Variants in ABRAXAS2 observed in about 807,000 individuals in gnomAD.
ABRAXAS2 encodes BRISC complex subunit Abraxas 2.
A neutral mutation model predicts 49.0 loss-of-function variants in ABRAXAS2; 23 were observed. The ratio of observed to expected loss-of-function variants is 0.47; its 90% CI spans 0.34 to 0.66. The LOEUF (loss-of-function observed/expected upper bound fraction) is 0.66, where lower values mean the gene tolerates loss of function less well. Among genes scored for constraint, ABRAXAS2 ranks in the 30% least tolerant of loss-of-function variants. ABRAXAS2 has a pLI of 0.01. For missense variants in ABRAXAS2, 443 were observed against 511.9 expected (o/e 0.87, Z 1.30); for synonymous variants, 168 against 180.2 (o/e 0.93, Z 0.54).
intron 4 of ABRAXAS2, among the ~76,000 whole-genome samples, chr10:124,824,038 C>A (rs1188618205): frequency 2.0e-5 from 3 of 152,182 alleles, no homozygotes; most frequent in Non-Finnish European, 1.5e-5. Context: ...CTGCCTCAGC[C>A]TCCTGGGTAG....
chr10:124,806,289 G>A (rs1236527756), intron 1 of ABRAXAS2, among the ~76,000 whole-genome samples: 1 of 149,562 alleles, frequency 6.7e-6, no homozygotes, highest in African/African-American at 2.5e-5. Context: ...CTGGGTGACA[G>A]AGCAAGATTC....
chr10:124,801,929 G>T (rs1000872672), intron 1 of ABRAXAS2, 28 bp downstream of exon 1: 1 of 1,608,282 alleles, frequency 6.2e-7, no homozygotes, highest in Admixed American at 1.7e-5. Context: ...TGCCGCGCCC[G>T]CTGGGGGCTT....
chr10:124,826,936 A>AACCCCG, intron 5 of ABRAXAS2, 151 bp downstream of exon 5: 1 of 759,262 alleles, frequency 1.3e-6, no homozygotes. Context: ...ACATGGTGAA[A>AACCCCG]TTCAAAAATT....
rs1001149247 is a variant in ABRAXAS2, at chr10:124,807,953, C to T, written c.163+1032C>T. 4.6e-5 allele frequency among the ~76,000 whole-genome samples: 7 copies of T among 152,264 alleles called. No individual in the cohort carries two copies. The East Asian group carries it at 7.7e-4, about 17-fold the overall frequency. On this transcript the variant is annotated intron_variant, in intron 2 of 8. Coordinates refer to ENST00000298492, the MANE Select transcript of ABRAXAS2 (RefSeq NM_032182.4). ...TGTTTACATGGGATATTTACTAAAC[C>T]TATACAGCCTTCTGAGGGATAAGCC...
intron 2 of ABRAXAS2, among the ~76,000 whole-genome samples, chr10:124,812,197 G>A (rs571944034): frequency 2.0e-5 from 3 of 152,308 alleles, no homozygotes; most frequent in African/African-American, 7.2e-5. Flanking sequence ...CAATCAGTGG[G>A]GAGTCCCTGT....
intron 4 of ABRAXAS2, among the ~76,000 whole-genome samples, chr10:124,820,643 G>A (rs1359554865): frequency 6.6e-6 from 1 of 151,796 alleles, no homozygotes; most frequent in Non-Finnish European, 1.5e-5. Context: ...CACCACACCT[G>A]GCTAATTTTT....
At chr10:124,816,049 C>T (rs1950823058) in intron 2 of ABRAXAS2, among the ~76,000 whole-genome samples, 2 of 151,922 alleles carry the variant, frequency 1.3e-5, no homozygotes, top group African/African-American at 2.4e-5. Context: ...ATTACAGGCG[C>T]CCGCCACCAC....
intron 4 of ABRAXAS2, among the ~76,000 whole-genome samples, chr10:124,824,063 G>A (rs894573583): frequency 1.3e-5 from 2 of 152,116 alleles, no homozygotes; most frequent in African/African-American, 4.8e-5. Flanking sequence ...GACCACAGGC[G>A]TGTGCTTTTT....
At chr10:124,804,593 G>T (rs1027477950) in intron 1 of ABRAXAS2, among the ~76,000 whole-genome samples, 6 of 151,080 alleles carry the variant, frequency 4.0e-5, no homozygotes, top group Non-Finnish European at 7.4e-5. Flanking sequence ...ATAACTGAAA[G>T]ATTTTCTTAG....
At chr10:124,829,912 G>A (rs1950920021) in intron 7 of ABRAXAS2, among the ~76,000 whole-genome samples, 1 of 152,152 alleles carries the variant, frequency 6.6e-6, no homozygotes, top group South Asian at 2.1e-4. Flanking sequence ...GGCAGAGCCT[G>A]TTCACTCCTA....
At position 124,836,344 on chromosome 10, in the gene ABRAXAS2, C is replaced by T. The variant is rs1000669215; in HGVS notation, c.*1373C>T. 2 of 152,144 alleles carry T rather than the reference C, an allele frequency of 1.3e-5. No homozygotes were observed. Among genetic ancestry groups the T allele is most frequent in the Non-Finnish European group, 2.9e-5 (2 of 68,012 alleles). 9.4% of individuals were successfully genotyped at this position (152,144 alleles called of 1,614,324 possible). On this transcript the variant is annotated 3_prime_UTR_variant, in exon 9 of 9. Coordinates refer to ENST00000298492, the MANE Select transcript of ABRAXAS2 (RefSeq NM_032182.4). Reference sequence around the variant, plus strand: ...TATCATATAGACGGAAAATGAAATGCTAGAACTGCCGTTCTTTGGATCGCC... The same window carrying T: ...TATCATATAGACGGAAAATGAAATGTTAGAACTGCCGTTCTTTGGATCGCC...
At chr10:124,820,303 C>T (rs1343219296) in intron 4 of ABRAXAS2, among the ~76,000 whole-genome samples, 2 of 152,134 alleles carry the variant, frequency 1.3e-5, no homozygotes, top group African/African-American at 2.4e-5. Flanking sequence ...GCCTGCCCAA[C>T]CAGGAAGGGG....
intron 1 of ABRAXAS2, among the ~76,000 whole-genome samples, chr10:124,804,239 A>G (rs986139315): frequency 6.6e-6 from 1 of 152,192 alleles, no homozygotes; most frequent in Non-Finnish European, 1.5e-5. Flanking sequence ...TTATATCATT[A>G]TTCCACAAAT....
At chr10:124,833,814 A>G (rs952862395) in intron 8 of ABRAXAS2, among the ~76,000 whole-genome samples, 3 of 152,218 alleles carry the variant, frequency 2.0e-5, no homozygotes, top group Non-Finnish European at 4.4e-5. Context: ...TTTCAAGGCT[A>G]TATGGATTAT....
chr10:124,830,731 C>T (rs1950927759), intron 7 of ABRAXAS2, among the ~76,000 whole-genome samples: 1 of 152,306 alleles, frequency 6.6e-6, no homozygotes, highest in Admixed American at 6.5e-5. Context: ...AATTCATGAC[C>T]ATGCCCTTTT....
At chr10:124,818,771 T>C (rs981138425) in intron 3 of ABRAXAS2, among the ~76,000 whole-genome samples, 1 of 152,322 alleles carries the variant, frequency 6.6e-6, no homozygotes, top group Admixed American at 6.5e-5. Flanking sequence ...TGGTCTCTTT[T>C]GGAGGTGATT....
intron 4 of ABRAXAS2, among the ~76,000 whole-genome samples, chr10:124,825,317 C>CAAAAAA (rs34358193): frequency 1.9e-5 from 2 of 103,964 alleles, no homozygotes; most frequent in Non-Finnish European, 3.6e-5. Context: ...GACTCTGTCT[C>CAAAAAA]AAAAAAAAAA....
intron 4 of ABRAXAS2, among the ~76,000 whole-genome samples, chr10:124,825,497 T>C (rs1455824679): frequency 6.6e-6 from 1 of 152,144 alleles, no homozygotes; most frequent in Non-Finnish European, 1.5e-5. Context: ...TTGCATATGA[T>C]ATGAACTCAA....
chr10:124,831,298 A>C (rs756424330), intron 7 of ABRAXAS2, 51 bp from the exon 8 acceptor site: 2 of 1,090,482 alleles, frequency 1.8e-6, no homozygotes, highest in African/African-American at 3.1e-5. Flanking sequence ...AATTTATGGA[A>C]TGCCTTGTGC....
Sources: gnomAD v4.1 joint callset for allele counts (sites outside exome capture counted in the v4.1 genomes callset) on GRCh38, gnomAD v4.1.1 for gene constraint, MANE v1.5 for transcripts, NCBI Gene and HGNC (gene_info 2026-07-23, HGNC 2026-07-21) for gene names.